SLCO3A1: variants seen among roughly 807,000 people sequenced by gnomAD.
SLCO3A1 encodes the protein PGE1 transporter.
Under a neutral mutation model 63.1 loss-of-function variants are expected in SLCO3A1, and 27 were observed. The observed-to-expected ratio is 0.43, with a 90% CI of 0.32 to 0.59. The LOEUF (loss-of-function observed/expected upper bound fraction) is 0.59. Among genes scored for constraint, SLCO3A1 ranks in the 20% least tolerant of loss-of-function variants. The probability of loss-of-function intolerance (pLI) is 0.09; values close to 1 mark genes in which losing one functional copy is unlikely to be tolerated. For synonymous variants in SLCO3A1, 473 were observed against 409.9 expected (o/e 1.15, Z -1.86); for missense variants, 773 against 945.8 (o/e 0.82, Z 2.40).
rs879866752 is a variant in SLCO3A1, at chr15:92,137,422, T to G, written c.1512+8933T>G. Among the ~76,000 whole-genome samples, 14 of 98,102 alleles carry G rather than the reference T, an allele frequency of 1.4e-4. 2 individuals are homozygous for G. The highest frequency in any genetic ancestry group is 8.5e-4 in the African/African-American group (14 of 16,524). 64.4% of individuals were successfully genotyped at this position (98,102 alleles called of 152,430 possible). The stretch of plus-strand genomic sequence containing the variant: ...AAGTCTTTGCTATTGTGAATAATGC[T>G]GCAATAAACATACGTGTGCATGTGT... On this transcript the variant is annotated intron_variant, in intron 7 of 9. Transcript: ENST00000318445.
chr15:92,008,604 C>A (rs1314340373), intron 2 of SLCO3A1, among the ~76,000 whole-genome samples: 1 of 152,140 alleles, frequency 6.6e-6, no homozygotes, highest in Non-Finnish European at 1.5e-5. Context: ...TTTGGGGAGT[C>A]AACATTGACA....
intron 2 of SLCO3A1, among the ~76,000 whole-genome samples, chr15:92,027,876 T>G (rs996847663): frequency 6.6e-6 from 1 of 152,176 alleles, no homozygotes; most frequent in Admixed American, 6.5e-5. Flanking sequence ...GTTTTTAGTT[T>G]ATTTTAGTTT....
rs932441040 is a variant in SLCO3A1 at position 92,138,484 on chromosome 15, T to C, written c.1513-8500T>C. On this transcript the variant is annotated intron_variant, in intron 7 of 9. Transcript: ENST00000318445. ...CTCTTTTTTGGTTCCATCTGAACTT[T>C]AAAGTAGTTTTTTCCAATTCTGTGA... Among the ~76,000 whole-genome samples the C allele has an allele frequency of 5.5e-4, 66 of 119,398 alleles. 6 individuals are homozygous for C. Among genetic ancestry groups the C allele is most frequent in the African/African-American group, 2.8e-3 (66 of 23,722 alleles). The allele number at this position is 119,398 out of a possible 152,430, so 78.3% of individuals were successfully genotyped here. A position where few individuals can be genotyped will look rare whatever the true frequency, so the allele number is the denominator to read the frequency against.
rs1414746361 is a variant in SLCO3A1 at position 92,000,786 on chromosome 15, G to A, written c.646+84328G>A. Reference sequence around the variant, plus strand: ...CTCTTTAGGTCTGTCCCTGTGTACCGGAAGGTGTTTGTGCATGAGTGCTGG... The same window carrying A: ...CTCTTTAGGTCTGTCCCTGTGTACCAGAAGGTGTTTGTGCATGAGTGCTGG... On this transcript the variant is annotated intron_variant, in intron 2 of 9. Coordinates refer to ENST00000318445, the MANE Select transcript of SLCO3A1 (RefSeq NM_013272.4). 3.9e-5 allele frequency among the ~76,000 whole-genome samples: 6 copies of A among 152,298 alleles called. No individual in the cohort carries two copies. In the South Asian group the frequency reaches 6.2e-4, roughly 16 times the overall value.
At chr15:91,991,190 T>G (rs1471919715) in intron 2 of SLCO3A1, among the ~76,000 whole-genome samples, 1 of 152,034 alleles carries the variant, frequency 6.6e-6, no homozygotes, top group Admixed American at 6.6e-5. Context: ...GGTAGCATAG[T>G]AAGATTCTGT....
chr15:92,156,933 C>A (rs905842041), intron 9 of SLCO3A1, among the ~76,000 whole-genome samples: 2 of 151,064 alleles, frequency 1.3e-5, no homozygotes, highest in Non-Finnish European at 3.0e-5. Flanking sequence ...ATAGGCCCAG[C>A]CATTTCAACT....
chr15:92,080,666 G>A (rs756090476), intron 2 of SLCO3A1, among the ~76,000 whole-genome samples: 4 of 152,164 alleles, frequency 2.6e-5, no homozygotes, highest in Non-Finnish European at 5.9e-5. Context: ...GTGCCCCAGA[G>A]GCCACACGGG....
rs143303095 is a variant in SLCO3A1, at chr15:91,997,330, C to T, written c.646+80872C>T. On this transcript the variant is annotated intron_variant, in intron 2 of 9. Transcript: ENST00000318445. ...TGAAAGATCTCTAGAAGGAAAACTA[C>T]AAAACACTGCTGAATGATGTCATAG... 3.7e-3 allele frequency among the ~76,000 whole-genome samples: 557 copies of T among 152,270 alleles called. 3 individuals are homozygous for T. The highest frequency in any genetic ancestry group is 0.012 in the African/African-American group (505 of 41,546).
At chr15:91,926,980 A>G (rs1899052886) in intron 2 of SLCO3A1, among the ~76,000 whole-genome samples, 1 of 152,138 alleles carries the variant, frequency 6.6e-6, no homozygotes, top group Non-Finnish European at 1.5e-5. Context: ...GAGGTGAGAT[A>G]GGCTGTATGG....
chr15:92,053,696 GTT>G (rs56305523), intron 2 of SLCO3A1, among the ~76,000 whole-genome samples: 9 of 23,930 alleles, frequency 3.8e-4, no homozygotes, highest in Non-Finnish European at 1.3e-3. Context: ...TTGTTTGTTT[GTT>G]TTTTTTTTTT....
chr15:92,120,321 GCCT>G, intron 4 of SLCO3A1, 141 bp from the exon 5 acceptor site: 3 of 766,150 alleles, frequency 3.9e-6, no homozygotes, highest in Admixed American at 2.5e-5. Context: ...GTAGATTTTG[GCCT>G]TAGCAACTGG....
intron 2 of SLCO3A1, among the ~76,000 whole-genome samples, chr15:91,944,527 C>T (rs1159707544): frequency 1.3e-5 from 2 of 151,990 alleles, no homozygotes; most frequent in African/African-American, 2.4e-5. Context: ...GCAAGTGATC[C>T]GTCACAAGTC....
chr15:91,915,983 C>A lies in SLCO3A1; in HGVS notation c.181-10C>A. On this transcript the variant is annotated splice_polypyrimidine_tract_variant and intron_variant, in intron 1 of 9. Coordinates refer to ENST00000318445, the MANE Select transcript of SLCO3A1 (RefSeq NM_013272.4). Reference sequence around the variant, plus strand: ...GGATTGGCTCTGACCTTTCTTCTTGCCCCCCTCAGGTGAGCGTCCTGACCA... The same window carrying A: ...GGATTGGCTCTGACCTTTCTTCTTGACCCCCTCAGGTGAGCGTCCTGACCA... The A allele has an allele frequency of 1.2e-6, 2 of 1,603,664 alleles. No individual in the cohort carries two copies. The highest frequency in any genetic ancestry group is 1.7e-6 in the Non-Finnish European group (2 of 1,174,460).
intron 1 of SLCO3A1, among the ~76,000 whole-genome samples, chr15:91,907,109 G>T (rs138320890): frequency 1.7e-3 from 257 of 152,206 alleles, no homozygotes; most frequent in African/African-American, 5.9e-3. Flanking sequence ...GAGTATAGAG[G>T]AAACAGTAGC....
intron 6 of SLCO3A1, among the ~76,000 whole-genome samples, chr15:92,127,227 G>A (rs933751009): frequency 6.6e-6 from 1 of 152,120 alleles, no homozygotes; most frequent in Non-Finnish European, 1.5e-5. Context: ...TCTTCTTCCC[G>A]TTTGCACCTG....
At position 91,967,559 on chromosome 15, in the gene SLCO3A1, G is replaced by A. The variant is rs1253804029; in HGVS notation, c.646+51101G>A. Among the ~76,000 whole-genome samples the A allele has an allele frequency of 2.6e-5, 4 of 152,150 alleles. No individual in the cohort carries two copies. Among genetic ancestry groups the A allele is most frequent in the African/African-American group, 4.8e-5 (2 of 41,418 alleles). The stretch of plus-strand genomic sequence containing the variant: ...TTGCCACAGGATAAAGACAGCACTC[G>A]ACATATAATAAAAATCAATATGGAT... On this transcript the variant is annotated intron_variant, in intron 2 of 9. Coordinates refer to ENST00000318445, the MANE Select transcript of SLCO3A1 (RefSeq NM_013272.4). The surrounding 1 kb of genome is among the most constrained non-coding windows in gnomAD (Gnocchi z 4.4).
At chr15:91,927,124 G>C (rs1329684884) in intron 2 of SLCO3A1, among the ~76,000 whole-genome samples, 1 of 152,062 alleles carries the variant, frequency 6.6e-6, no homozygotes, top group Non-Finnish European at 1.5e-5. Flanking sequence ...TGAAAAGTCA[G>C]AATGCATTCT....
At chr15:92,063,775 G>A (rs1446943869) in intron 2 of SLCO3A1, among the ~76,000 whole-genome samples, 1 of 152,112 alleles carries the variant, frequency 6.6e-6, no homozygotes, top group African/African-American at 2.4e-5. Context: ...GCTTGAACCT[G>A]GGAGGCGGAG....
rs780880233 is a variant in SLCO3A1 at position 92,126,193 on chromosome 15, T to C, written c.1307T>C (p.Val436Ala). 31 of 1,613,840 alleles carry C rather than the reference T, an allele frequency of 1.9e-5. No homozygotes were observed. Among genetic ancestry groups the C allele is most frequent in the African/African-American group, 2.7e-5 (2 of 74,856 alleles). Reference protein sequence around the residue: ...LVNLVSTACYVSFLFLGCDTG... With the variant: ...LVNLVSTACYASFLFLGCDTG... ...AACCTGGTGTCCACTGCTTGCTACG[T>C]CTCCTTCCTCTTCCTGGGCTGCGAC... is the stretch of plus-strand genomic sequence containing the variant. Residue 436 changes from valine (V) to alanine (A), a missense_variant, in exon 6 of 10, where the codon GTC (valine) becomes GCC (alanine). Transcript: ENST00000318445.
Sources: allele counts gnomAD v4.1 joint callset (sites outside exome capture counted in the v4.1 genomes callset), GRCh38; gene constraint gnomAD v4.1.1; non-coding constraint Gnocchi (gnomAD v3.1); transcripts MANE v1.5; gene names NCBI Gene and HGNC (gene_info 2026-07-23, HGNC 2026-07-21).